CPZ: variants seen among roughly 807,000 people sequenced by gnomAD.
CPZ encodes carboxypeptidase Z, also known as VEZT/CPZ fusion.
Under a neutral mutation model 61.8 loss-of-function variants are expected in CPZ, and 103 were observed. The ratio of observed to expected loss-of-function variants is 1.67; its 90% CI spans 1.42 to 1.96. The LOEUF is 1.96. Ranked by LOEUF, CPZ falls within the 30% of genes most tolerant of loss-of-function variation. CPZ has a pLI of 0.00. For missense variants in CPZ, 1,461 were observed against 914.9 expected (o/e 1.60, Z -7.70); for synonymous variants, 551 against 373.7 (o/e 1.47, Z -5.47).
intron 7 of CPZ, among the ~76,000 whole-genome samples, chr4:8,608,118 T>G (rs994124537): frequency 7.0e-6 from 1 of 143,810 alleles, no homozygotes; most frequent in Non-Finnish European, 1.5e-5. Flanking sequence ...GGTTGTGATC[T>G]GAGGTGGGCC....
At chr4:8,613,242 C>T (rs6829158) in intron 8 of CPZ, among the ~76,000 whole-genome samples, 12,427 of 152,084 alleles carry the variant, frequency 0.082, 1,645 homozygotes, top group African/African-American at 0.28. Flanking sequence ...AGCGATTCTC[C>T]TGCCTCAGCC....
rs1714413226 is a variant in CPZ, at chr4:8,599,468, C to T, written c.104C>T (p.Pro35Leu). The T allele has an allele frequency of 2.5e-6, 4 of 1,612,374 alleles. No homozygotes were observed. The highest frequency in any genetic ancestry group is 1.3e-5 in the African/African-American group (1 of 75,016). ...ERNPAGECHR[P>L]PAADSATCVD... Reference sequence around the variant, plus strand: ...CTCTTTCCAGGTGAATGCCACAGGCCACCAGCTGCAGACAGCGGTACAGTA... The same window carrying T: ...CTCTTTCCAGGTGAATGCCACAGGCTACCAGCTGCAGACAGCGGTACAGTA... Residue 35 changes from proline (P) to leucine (L), a missense_variant, in exon 2 of 11, where the codon CCA becomes CTA. By Grantham distance (98) the Pro-to-Leu change is moderately conservative. Transcript: ENST00000360986.
chr4:8,607,285 G>A lies in CPZ; in HGVS notation c.1087G>A (p.Ala363Thr), dbSNP rs768992436. 10 of 1,614,044 alleles carry A rather than the reference G, an allele frequency of 6.2e-6. No individual in the cohort carries two copies. The highest frequency in any genetic ancestry group is 1.1e-5 in the South Asian group (1 of 91,086). Residue 363 changes from alanine to threonine, a missense_variant, in exon 7 of 11, where the codon GCA becomes ACA. Transcript: ENST00000360986. ...TGGGCAGGTGGCCCCGGAGACAAAG[G>A]CAATCATGAAGTGGATGCAGACCAT... ...WWGKVAPETK[A>T]IMKWMQTIPF... is the part of the protein sequence containing the mutation.
Position 8,619,608 on chromosome 4 carries a change from C to CA in CPZ, c.1952dup (p.Tyr652ValfsTer26). 6.7e-7 allele frequency: 1 copy of CA among 1,501,878 alleles called. No homozygotes were observed. The allele number at this position is 1,501,878 out of a possible 1,614,324, so 93.0% of individuals were successfully genotyped here. A position where few individuals can be genotyped will look rare whatever the true frequency, so the allele number is the denominator to read the frequency against. ...GCACCCACAGGCCACGCTGGCTGCT[C>CA]AAGTACTAGCCCCGGCCCCAGCACC... On this transcript the variant is annotated frameshift_variant, in exon 11 of 11. Coordinates refer to ENST00000360986, the MANE Select transcript of CPZ (RefSeq NM_001014447.3). LOFTEE classifies it high-confidence loss of function.
chr4:8,613,593 C>T (rs994120386), intron 8 of CPZ, among the ~76,000 whole-genome samples: 2 of 152,208 alleles, frequency 1.3e-5, no homozygotes, highest in Non-Finnish European at 2.9e-5. Context: ...TTCAGAAGGG[C>T]GTGGGCTCCC....
intron 1 of CPZ, among the ~76,000 whole-genome samples, chr4:8,595,251 G>A (rs1714092704): frequency 1.3e-5 from 2 of 152,242 alleles, no homozygotes; most frequent in Admixed American, 6.5e-5. Flanking sequence ...GCCACGTGTG[G>A]CTCGTGGCTG....
In CPZ at chr4:8,614,427, T is replaced by C. The variant is rs141065142; in HGVS notation, c.1432T>C (p.Phe478Leu). Residue 478 changes from phenylalanine to leucine, a missense_variant, in exon 9 of 11, where the codon TTC (phenylalanine) becomes CTC (leucine). Transcript: ENST00000360986. Reference protein sequence around the residue: ...EITVELGCVKFPPEEALYILW... With the variant: ...EITVELGCVKLPPEEALYILW... ...CACGGTAGAGCTGGGCTGTGTGAAGTTCCCCCCCGAGGAGGCCCTGTACAT... is the reference window on the plus strand; with the variant it reads ...CACGGTAGAGCTGGGCTGTGTGAAGCTCCCCCCCGAGGAGGCCCTGTACAT... 35 of 1,613,980 alleles carry C rather than the reference T, an allele frequency of 2.2e-5. No individual in the cohort carries two copies. The highest frequency in any genetic ancestry group is 5.3e-5 in the African/African-American group (4 of 75,044).
At chr4:8,601,947 G>C (rs1283100289) in intron 3 of CPZ, 5 of 157,922 alleles carry the variant, frequency 3.2e-5, no homozygotes, top group Non-Finnish European at 6.9e-5. Flanking sequence ...CATCCCCCGG[G>C]AGGTCTGGCG....
At position 8,612,073 on chromosome 4, in the gene CPZ, T is replaced by C; in HGVS notation, c.1274T>C (p.Met425Thr). 3 of 1,613,682 alleles carry C rather than the reference T, an allele frequency of 1.9e-6. No individual in the cohort carries two copies. Among genetic ancestry groups the C allele is most frequent in the South Asian group, 2.2e-5 (2 of 91,062 alleles). The change falls in exon 8 of 11, where the codon ATG becomes ACG. Residue 425 changes from methionine to threonine, a missense_variant. Met to Thr is a moderately conservative substitution (Grantham distance 81). Coordinates refer to ENST00000360986, the MANE Select transcript of CPZ (RefSeq NM_001014447.3). ...GCCTACGCTGACGTCCACCCCATGA[T>C]GATGGACAGGTCGGAGAATAGGTGT... The part of the protein sequence containing the change: ...SRAYADVHPM[M>T]MDRSENRCGG...
At chr4:8,608,640 A>ATG in intron 7 of CPZ, among the ~76,000 whole-genome samples, 1 of 2,132 alleles carries the variant, frequency 4.7e-4, no homozygotes, top group East Asian at 0.014. Context: ...CTGTGAGTGC[A>ATG]CGTGTGTGCG....
At chr4:8,605,966 C>T (rs1465919495) in intron 4 of CPZ, 23 bp from the exon 5 acceptor site, 2 of 1,604,050 alleles carry the variant, frequency 1.2e-6, no homozygotes, top group East Asian at 2.2e-5. Flanking sequence ...GATGATGCCC[C>T]AAGTCTCTGT....
At chr4:8,610,190 C>A (rs1715534489) in intron 7 of CPZ, among the ~76,000 whole-genome samples, 1 of 152,218 alleles carries the variant, frequency 6.6e-6, no homozygotes. Flanking sequence ...CCCATTCAGT[C>A]CCAGCTTCCC....
intron 7 of CPZ, among the ~76,000 whole-genome samples, chr4:8,610,930 C>T (rs1715599311): frequency 6.6e-6 from 1 of 152,252 alleles, no homozygotes; most frequent in African/African-American, 2.4e-5. Context: ...GTCTCATGAC[C>T]CCCACCAGGG....
chr4:8,600,245 G>A (rs951376028), intron 2 of CPZ, among the ~76,000 whole-genome samples: 18 of 152,292 alleles, frequency 1.2e-4, no homozygotes, highest in Admixed American at 3.3e-4. Context: ...CCAAAATGCT[G>A]GAATTACAGG....
chr4:8,619,407 T>G lies in CPZ; in HGVS notation c.1749T>G (p.Pro583=), dbSNP rs902338757. The part of the protein sequence containing the change: ...RAGRVDFILQ[P]LGMGPKNFIH... ...GCCGTGTGGACTTCATTCTGCAACC[T>G]CTGGGGATGGGACCCAAGAACTTTA... Residue 583 remains proline, a synonymous_variant, in exon 11 of 11, where the codon CCT becomes CCG. Coordinates refer to ENST00000360986, the MANE Select transcript of CPZ (RefSeq NM_001014447.3). 6.2e-7 allele frequency: 1 copy of G among 1,614,128 alleles called. No individual in the cohort carries two copies. The highest frequency in any genetic ancestry group is 1.1e-5 in the South Asian group (1 of 91,062).
chr4:8,615,366 T>A (rs1716074184), intron 9 of CPZ, among the ~76,000 whole-genome samples: 1 of 152,080 alleles, frequency 6.6e-6, no homozygotes, highest in Non-Finnish European at 1.5e-5. Context: ...CCAAGAAGGG[T>A]CCAGGATGTC....
intron 9 of CPZ, 82 bp from the exon 10 acceptor site, chr4:8,618,347 G>C (rs1442364681): frequency 7.5e-7 from 1 of 1,330,762 alleles, no homozygotes; most frequent in African/African-American, 1.4e-5. Flanking sequence ...GCTCTGAGGA[G>C]CATGTGGGGA....
chr4:8,612,097 G>T lies in CPZ; in HGVS notation c.1298G>T (p.Cys433Phe). The T allele has an allele frequency of 6.2e-7, 1 of 1,613,072 alleles. No homozygotes were observed. Among genetic ancestry groups the T allele is most frequent in the Non-Finnish European group, 8.5e-7 (1 of 1,179,706 alleles). Reference protein sequence around the residue: ...PMMMDRSENRCGGNFLKRGSI... With the variant: ...PMMMDRSENRFGGNFLKRGSI... ...ATGATGGACAGGTCGGAGAATAGGT[G>T]TGGAGGCAATTTCCTGAAGAGGGGG... is the stretch of plus-strand genomic sequence containing the variant. The change falls in exon 8 of 11, where the codon TGT (cysteine) becomes TTT (phenylalanine). Residue 433 changes from cysteine to phenylalanine, a missense_variant. By Grantham distance (205) the Cys-to-Phe change is radical (BLOSUM62 -2). Transcript: ENST00000360986.
In CPZ at chr4:8,601,318, C is replaced by T. The variant is rs147337200; in HGVS notation, c.317C>T (p.Ala106Val). 5.6e-6 allele frequency: 9 copies of T among 1,609,242 alleles called. No individual in the cohort carries two copies. The highest frequency in any genetic ancestry group is 1.7e-5 in the Admixed American group (1 of 59,800). ...CGGCTGCTGGGCTGTGCTGTGCTGGCCCCCCGGTGTGAGGGCGGCTGGGTG... is the reference window on the plus strand; with the variant it reads ...CGGCTGCTGGGCTGTGCTGTGCTGGTCCCCCGGTGTGAGGGCGGCTGGGTG... ...DLRLLGCAVLAPRCEGGWVRR... is the reference protein window; with the variant it reads ...DLRLLGCAVLVPRCEGGWVRR... Residue 106 changes from alanine to valine, a missense_variant, in exon 3 of 11, where the codon GCC becomes GTC. Transcript: ENST00000360986.
Sources: gnomAD v4.1 joint callset for allele counts (sites outside exome capture counted in the v4.1 genomes callset) on GRCh38, gnomAD v4.1.1 for gene constraint, MANE v1.5 for transcripts, NCBI Gene and HGNC (gene_info 2026-07-23, HGNC 2026-07-21) for gene names.